The following TSHR variants were observed in gnomAD, a reference collection of about 807,000 sequenced individuals.
The protein encoded by TSHR is thyroid stimulating hormone receptor.
In TSHR, 51 loss-of-function variants were observed where a neutral mutation model predicts 64.1. The observed-to-expected ratio is 0.80, with a 90% CI of 0.64 to 1.01. TSHR has a LOEUF of 1.01. Among genes scored for constraint, TSHR ranks in the 50% least tolerant of loss-of-function variants. The pLI is 0.00. For synonymous variants in TSHR, 361 were observed against 361.9 expected, an observed-to-expected ratio of 1.00 and a Z score of 0.03; for missense variants, 877 against 942.8, an observed-to-expected ratio of 0.93 and a Z score of 0.91.
At chr14:81,125,252 G>A (rs1890969544) in intron 8 of TSHR, among the ~76,000 whole-genome samples, 1 of 152,150 alleles carries the variant, frequency 6.6e-6, no homozygotes, top group Admixed American at 6.5e-5. Flanking sequence ...AACAGACAGT[G>A]ATAGAGTTAT....
chr14:81,114,203 G>C (rs546504643), intron 8 of TSHR, among the ~76,000 whole-genome samples: 6 of 151,654 alleles, frequency 4.0e-5, no homozygotes, highest in Non-Finnish European at 7.4e-5. Flanking sequence ...GAACAGCTCC[G>C]GTCTACAGCT....
intron 1 of TSHR, among the ~76,000 whole-genome samples, chr14:81,023,325 T>C (rs1883872788): frequency 6.6e-6 from 1 of 152,088 alleles, no homozygotes; most frequent in Non-Finnish European, 1.5e-5. Context: ...ACCCCCATGA[T>C]TCAATTACCT....
chr14:81,034,813 T>C (rs1884540167), intron 1 of TSHR, among the ~76,000 whole-genome samples: 2 of 152,226 alleles, frequency 1.3e-5, no homozygotes, highest in Admixed American at 1.3e-4. Flanking sequence ...AACATAATAA[T>C]TTGCCTTTTT....
chr14:80,989,998 G>A (rs1888646864), intron 1 of TSHR, among the ~76,000 whole-genome samples: 1 of 152,194 alleles, frequency 6.6e-6, no homozygotes, highest in South Asian at 2.1e-4. Context: ...AAAAGTCAAG[G>A]ATTAAATTTT....
At chr14:81,012,734 G>A (rs1437714841) in intron 1 of TSHR, 2 of 151,742 alleles carry the variant, frequency 1.3e-5, no homozygotes, top group East Asian at 3.9e-4. Flanking sequence ...CTGCATAAAT[G>A]TCTTCTTTTG....
chr14:81,111,334 T>C (rs1225530547), intron 8 of TSHR, among the ~76,000 whole-genome samples: 1 of 152,252 alleles, frequency 6.6e-6, no homozygotes, highest in African/African-American at 2.4e-5. Flanking sequence ...GGTAAGAAGC[T>C]ATTGGCCAAT....
chr14:81,071,462 T>A (rs1887059683), intron 3 of TSHR, among the ~76,000 whole-genome samples: 1 of 152,210 alleles, frequency 6.6e-6, no homozygotes, highest in Non-Finnish European at 1.5e-5. Flanking sequence ...TTCTTTAATG[T>A]AAAATTTTTT....
At chr14:80,961,086 A>T (rs748594442) in intron 1 of TSHR, among the ~76,000 whole-genome samples, 2 of 152,254 alleles carry the variant, frequency 1.3e-5, no homozygotes, top group Non-Finnish European at 2.9e-5. Flanking sequence ...CGTCTGAAAT[A>T]GGAGACGCAG....
intron 7 of TSHR, 144 bp from the exon 8 acceptor site, chr14:81,108,231 C>A (rs1273986063): frequency 4.1e-6 from 3 of 725,764 alleles, no homozygotes; most frequent in Non-Finnish European, 7.1e-6. Flanking sequence ...AGTGCTCAAG[C>A]CAGAAGAAGA....
chr14:81,101,458 C>T (rs552303066), intron 7 of TSHR, among the ~76,000 whole-genome samples: 1 of 152,280 alleles, frequency 6.6e-6, no homozygotes, highest in South Asian at 2.1e-4. Context: ...GTTTCTATAG[C>T]ATATTTCTGG....
chr14:81,108,692 G>A (rs1195414746), intron 8 of TSHR: 2 of 1,613,746 alleles, frequency 1.2e-6, no homozygotes, highest in Non-Finnish European at 8.5e-7. Flanking sequence ...TGCCTGCTAA[G>A]GCAGCCACCT....
chr14:81,090,764 C>T (rs892966040), intron 4 of TSHR, among the ~76,000 whole-genome samples: 2 of 151,984 alleles, frequency 1.3e-5, no homozygotes, highest in Admixed American at 1.3e-4. Context: ...CACACACACA[C>T]GAAAACTGAA....
At chr14:80,993,360 T>A (rs1023947148) in intron 1 of TSHR, 2 of 31,972 alleles carry the variant, frequency 6.3e-5, no homozygotes, top group African/African-American at 1.8e-4. Context: ...CAATCCATAG[T>A]CACTAAATAT....
At chr14:81,067,035 C>G (rs80043258) in intron 2 of TSHR, among the ~76,000 whole-genome samples, 4,169 of 152,216 alleles carry the variant, frequency 0.027, 90 homozygotes, top group Non-Finnish European at 0.046. Context: ...GTACTTGAAG[C>G]TTTTATTTGA....
At chr14:81,008,345 T>C (rs1427276911) in intron 1 of TSHR, among the ~76,000 whole-genome samples, 2 of 152,074 alleles carry the variant, frequency 1.3e-5, no homozygotes, top group Non-Finnish European at 2.9e-5. Context: ...GCTAATTTTT[T>C]GTATTTTTAG....
chr14:80,984,171 A>ACTT (rs1888319092), intron 1 of TSHR, among the ~76,000 whole-genome samples: 1 of 151,780 alleles, frequency 6.6e-6, no homozygotes, highest in South Asian at 2.1e-4. Context: ...AAGAGAAACT[A>ACTT]CTCTTTTTCT....
intron 1 of TSHR, among the ~76,000 whole-genome samples, chr14:81,035,804 C>T (rs751078641): frequency 2.6e-5 from 4 of 151,456 alleles, no homozygotes; most frequent in African/African-American, 4.9e-5. Flanking sequence ...CAAACAAACC[C>T]GCAATAAAAG....
At chr14:81,081,876 ATC>A (rs1887927978) in intron 3 of TSHR, among the ~76,000 whole-genome samples, 1 of 152,200 alleles carries the variant, frequency 6.6e-6, no homozygotes, top group Non-Finnish European at 1.5e-5. Context: ...ATTCTAATTA[ATC>A]TCTTCCCACT....
chr14:81,068,565 C>T, intron 3 of TSHR: 1 of 495,524 alleles, frequency 2.0e-6, no homozygotes, highest in Non-Finnish European at 3.7e-6. Context: ...GAACCACTAT[C>T]TGTTCTATTA....
Sources: allele counts gnomAD v4.1 joint callset (sites outside exome capture counted in the v4.1 genomes callset), GRCh38; gene constraint gnomAD v4.1.1; transcripts MANE v1.5; gene names NCBI Gene and HGNC (gene_info 2026-07-23, HGNC 2026-07-21).